The following PRKCB variants were observed in gnomAD, a reference collection of about 807,000 sequenced individuals.
PRKCB encodes protein kinase C beta type.
A neutral mutation model predicts 81.5 loss-of-function variants in PRKCB; 13 were observed. The ratio of observed to expected loss-of-function variants is 0.16; its 90% confidence interval spans 0.10 to 0.25. PRKCB has a LOEUF of 0.25. Among genes scored for constraint, PRKCB ranks in the 10% least tolerant of loss-of-function variants. The pLI is 1.00. For synonymous variants in PRKCB, 335 were observed against 321.4 expected (o/e 1.04, Z -0.45); for missense variants, 509 against 875.7 (o/e 0.58, Z 5.29).
Position 23,951,621 on chromosome 16 carries a change from T to A in PRKCB, c.206-36887T>A, listed in dbSNP as rs149420139. ...TTTGTAGAGACAGGGTTTTGCCATG[T>A]TGCCCAGGCTGGTCTTAAACTCCTG... On this transcript the variant is annotated intron_variant, in intron 2 of 16. Transcript: ENST00000643927. Among the ~76,000 whole-genome samples, 5 of 150,466 alleles carry A rather than the reference T, an allele frequency of 3.3e-5. No homozygotes were observed. The East Asian group carries it at 9.7e-4, about 29-fold the overall frequency.
intron 9 of PRKCB, among the ~76,000 whole-genome samples, chr16:24,146,780 C>T (rs1473155861): frequency 1.3e-5 from 2 of 152,140 alleles, no homozygotes; most frequent in East Asian, 1.9e-4. Flanking sequence ...TTGATAAGAA[C>T]GTCACTTCAA....
At chr16:24,092,758 G>A (rs1966390652) in intron 5 of PRKCB, 33 bp from the exon 6 acceptor site, 5 of 1,605,170 alleles carry the variant, frequency 3.1e-6, no homozygotes, top group Non-Finnish European at 3.4e-6. Flanking sequence ...ATGTTGGACA[G>A]TATTAATGCA....
chr16:23,995,227 T>A (rs886588448), intron 3 of PRKCB, among the ~76,000 whole-genome samples: 5 of 151,988 alleles, frequency 3.3e-5, no homozygotes, highest in Admixed American at 1.3e-4. Flanking sequence ...CTCATTTAAG[T>A]GTGTTATGCT....
chr16:24,072,377 C>T (rs1195737675), intron 5 of PRKCB, among the ~76,000 whole-genome samples: 1 of 151,900 alleles, frequency 6.6e-6, no homozygotes, highest in Non-Finnish European at 1.5e-5. Context: ...AAGCAATCCT[C>T]CCACATCAGC....
intron 7 of PRKCB, 105 bp downstream of exon 7, chr16:24,094,402 T>A: frequency 7.0e-7 from 1 of 1,422,904 alleles, no homozygotes; most frequent in South Asian, 1.3e-5. Context: ...TAAAACAGAG[T>A]CCCAAAGTGA....
chr16:23,925,669 A>G lies in PRKCB; in HGVS notation c.206-62839A>G, dbSNP rs559917756. Among the ~76,000 whole-genome samples the G allele has an allele frequency of 9.1e-4, 138 of 152,128 alleles. 2 individuals carry two copies. The highest frequency in any genetic ancestry group is 2.7e-3 in the African/African-American group (112 of 41,522). On this transcript the variant is annotated intron_variant, in intron 2 of 16. Transcript: ENST00000643927. ...TATAAATTGAGAAGGCACAAGTGCA[A>G]TTTTGTTACATGGATATGTTATTTA...
At chr16:23,970,220 G>A (rs1964538897) in intron 2 of PRKCB, among the ~76,000 whole-genome samples, 1 of 152,188 alleles carries the variant, frequency 6.6e-6, no homozygotes, top group African/African-American at 2.4e-5. Context: ...GGAAATCAGT[G>A]GAGTTGTCCA....
chr16:24,113,520 T>TCCTC (rs1232226926), intron 8 of PRKCB, among the ~76,000 whole-genome samples: 1 of 147,078 alleles, frequency 6.8e-6, no homozygotes, highest in African/African-American at 2.5e-5. Flanking sequence ...TTTCCCTCCT[T>TCCTC]CCTCCCTCCC....
intron 2 of PRKCB, among the ~76,000 whole-genome samples, chr16:23,918,074 A>C (rs1212843891): frequency 6.6e-6 from 1 of 152,208 alleles, no homozygotes; most frequent in Admixed American, 6.5e-5. Flanking sequence ...GAACAGCAAA[A>C]GACTTCTTAG....
At chr16:23,996,170 A>C (rs1964954203) in intron 3 of PRKCB, among the ~76,000 whole-genome samples, 1 of 152,178 alleles carries the variant, frequency 6.6e-6, no homozygotes, top group Non-Finnish European at 1.5e-5. Context: ...CTGAGTGGGC[A>C]ATAAACATGA....
intron 10 of PRKCB, among the ~76,000 whole-genome samples, chr16:24,169,266 T>C (rs1319274266): frequency 6.6e-6 from 1 of 152,168 alleles, no homozygotes; most frequent in African/African-American, 2.4e-5. Flanking sequence ...ACTTAATTAA[T>C]GTATATTGAT....
intron 5 of PRKCB, among the ~76,000 whole-genome samples, chr16:24,059,467 G>C (rs1436523088): frequency 6.6e-6 from 1 of 151,914 alleles, no homozygotes; most frequent in Admixed American, 6.6e-5. Context: ...AGACCATCCT[G>C]GATGATAAAG....
chr16:23,885,467 C>T (rs945064380), intron 2 of PRKCB, among the ~76,000 whole-genome samples: 6 of 152,110 alleles, frequency 3.9e-5, no homozygotes, highest in African/African-American at 9.7e-5. Context: ...CGCCACCACG[C>T]CCAGCTAATT....
chr16:23,940,225 C>G (rs195986), intron 2 of PRKCB, among the ~76,000 whole-genome samples: 87,372 of 151,934 alleles, frequency 0.58, 25,475 homozygotes, highest in East Asian at 0.66. Flanking sequence ...TGAGGAACAA[C>G]TAGATCACCC....
intron 9 of PRKCB, 48 bp from the exon 10 acceptor site, chr16:24,154,636 C>T: frequency 6.3e-7 from 1 of 1,592,128 alleles, no homozygotes; most frequent in Non-Finnish European, 8.6e-7. Context: ...TCATAACTGG[C>T]CCCCAGACTC....
At chr16:24,105,879 A>G (rs1966570751) in intron 7 of PRKCB, among the ~76,000 whole-genome samples, 1 of 152,178 alleles carries the variant, frequency 6.6e-6, no homozygotes, top group African/African-American at 2.4e-5. Flanking sequence ...TATAATTCTG[A>G]ATCTGAAGAT....
At chr16:23,974,180 G>A (rs569461599) in intron 2 of PRKCB, among the ~76,000 whole-genome samples, 12 of 152,142 alleles carry the variant, frequency 7.9e-5, no homozygotes, top group Admixed American at 7.9e-4. Flanking sequence ...TGAGTCCCAG[G>A]GTAAGGGATG....
At chr16:23,889,168 A>ATCCG (rs912771889) in intron 2 of PRKCB, among the ~76,000 whole-genome samples, 3 of 141,438 alleles carry the variant, frequency 2.1e-5, no homozygotes, top group Admixed American at 1.4e-4. Flanking sequence ...CCATCCATCC[A>ATCCG]TCCGTCCATC....
At position 24,217,856 on chromosome 16, in the gene PRKCB, G is replaced by A; in HGVS notation, c.*3040G>A. The A allele has an allele frequency of 1.0e-6, 1 of 985,398 alleles. No homozygotes were observed. Among genetic ancestry groups the A allele is most frequent in the Non-Finnish European group, 1.2e-6 (1 of 829,932 alleles). 61.0% of individuals were successfully genotyped at this position (985,398 alleles called of 1,614,324 possible). ...TCCTGGAGTTCTCAGACCTTTAGGGGCCCTAACACAGTTCAGTTCATACAG... is the reference window on the plus strand; with the variant it reads ...TCCTGGAGTTCTCAGACCTTTAGGGACCCTAACACAGTTCAGTTCATACAG... On this transcript the variant is annotated 3_prime_UTR_variant, in exon 17 of 17. Coordinates refer to ENST00000643927, the MANE Select transcript of PRKCB (RefSeq NM_002738.7).
Sources: gnomAD v4.1 joint callset for allele counts (sites outside exome capture counted in the v4.1 genomes callset) on GRCh38, gnomAD v4.1.1 for gene constraint, MANE v1.5 for transcripts, NCBI Gene and HGNC (gene_info 2026-07-23, HGNC 2026-07-21) for gene names.